Variants in CNTN4 observed in about 807,000 individuals in gnomAD.
CNTN4 encodes the protein contactin-4.
Under a neutral mutation model 122.5 loss-of-function variants are expected in CNTN4, and 77 were observed. The observed-to-expected ratio is 0.63, with a 90% CI of 0.52 to 0.76. CNTN4 has a LOEUF of 0.76. CNTN4 is among the 30% of genes least tolerant of loss of function. The pLI is 0.00. For synonymous variants in CNTN4, 512 were observed against 447.0 expected (o/e 1.15, Z -1.83); for missense variants, 1,256 against 1,259.1 (o/e 1.00, Z 0.04).
chr3:2,260,249 G>A lies in CNTN4; in HGVS notation c.-144-78929G>A, dbSNP rs545240758. 4.6e-5 allele frequency among the ~76,000 whole-genome samples: 7 copies of A among 152,110 alleles called. No individual in the cohort carries two copies. The East Asian group carries it at 1.4e-3, about 30-fold the overall frequency. ...AGGTGATTGTTTGTTGCAGGAGGGTGTCCTGCGCATTATAGGAAGTTCAGC... is the reference window on the plus strand; with the variant it reads ...AGGTGATTGTTTGTTGCAGGAGGGTATCCTGCGCATTATAGGAAGTTCAGC... On this transcript the variant is annotated intron_variant, in intron 2 of 24. Transcript: ENST00000418658.
At chr3:2,846,874 T>C (rs1231851528) in intron 7 of CNTN4, among the ~76,000 whole-genome samples, 2 of 152,116 alleles carry the variant, frequency 1.3e-5, no homozygotes, top group East Asian at 3.9e-4. Flanking sequence ...TGCATGCCTA[T>C]AATCCCAGCT....
intron 13 of CNTN4, among the ~76,000 whole-genome samples, chr3:2,984,276 A>G (rs553956794): frequency 6.6e-6 from 1 of 152,290 alleles, no homozygotes; most frequent in East Asian, 1.9e-4. Flanking sequence ...CTTTAAGTTA[A>G]CGAAATTTTC....
intron 3 of CNTN4, among the ~76,000 whole-genome samples, chr3:2,348,277 G>A (rs1199427996): frequency 6.6e-6 from 1 of 152,072 alleles, no homozygotes; most frequent in Non-Finnish European, 1.5e-5. Context: ...TTCTTATAGG[G>A]GTCATATTGA....
chr3:2,811,162 C>T (rs1292959877), intron 6 of CNTN4, among the ~76,000 whole-genome samples: 1 of 152,030 alleles, frequency 6.6e-6, no homozygotes, highest in Non-Finnish European at 1.5e-5. Flanking sequence ...GTAATCCCAG[C>T]ACTTTGGGAG....
At chr3:2,322,132 CTCTA>C (rs751139309) in intron 2 of CNTN4, among the ~76,000 whole-genome samples, 5 of 152,122 alleles carry the variant, frequency 3.3e-5, no homozygotes, top group African/African-American at 9.7e-5. Context: ...CATTAGATTA[CTCTA>C]TCTATTTTGT....
rs73806325 is a variant in CNTN4, at chr3:2,147,949, T to C, written c.-145+47310T>C. Among the ~76,000 whole-genome samples, 369 of 152,346 alleles carry C rather than the reference T, an allele frequency of 2.4e-3. 5 individuals carry two copies. Among genetic ancestry groups the C allele is most frequent in the African/African-American group, 8.4e-3 (348 of 41,576 alleles). On this transcript the variant is annotated intron_variant, in intron 2 of 24. Transcript: ENST00000418658. Reference sequence around the variant, plus strand: ...CACTCCTGTTTTCAAATTCCTTGTCTGTTTCATCGTGACTCTTCTAATTGA... The same window carrying C: ...CACTCCTGTTTTCAAATTCCTTGTCCGTTTCATCGTGACTCTTCTAATTGA...
chr3:2,448,982 A>G (rs764697187), intron 3 of CNTN4, among the ~76,000 whole-genome samples: 12 of 152,166 alleles, frequency 7.9e-5, no homozygotes, highest in Non-Finnish European at 1.6e-4. Flanking sequence ...AACCTAGCCC[A>G]TGTAACTTTT....
intron 4 of CNTN4, among the ~76,000 whole-genome samples, chr3:2,705,648 A>T (rs1402805470): frequency 2.2e-5 from 2 of 89,820 alleles, no homozygotes; most frequent in Non-Finnish European, 1.9e-5. Flanking sequence ...ATTATATATA[A>T]AAAGTATATT....
At chr3:2,619,893 G>T (rs2081927704) in intron 4 of CNTN4, among the ~76,000 whole-genome samples, 1 of 152,162 alleles carries the variant, frequency 6.6e-6, no homozygotes, top group South Asian at 2.1e-4. Flanking sequence ...CAGAGCTCAT[G>T]ACTTTAACCC....
chr3:2,250,727 A>G (rs894061295), intron 2 of CNTN4, among the ~76,000 whole-genome samples: 4 of 151,970 alleles, frequency 2.6e-5, no homozygotes, highest in African/African-American at 9.7e-5. Context: ...TGCATTATGC[A>G]TATTTAAAAC....
chr3:2,825,226 T>G (rs1364354920), intron 7 of CNTN4, among the ~76,000 whole-genome samples: 1 of 151,812 alleles, frequency 6.6e-6, no homozygotes, highest in Non-Finnish European at 1.5e-5. Flanking sequence ...AAATAATTTA[T>G]TTTATTTTAT....
chr3:2,426,299 GT>G (rs1195546847), intron 3 of CNTN4, among the ~76,000 whole-genome samples: 2 of 152,152 alleles, frequency 1.3e-5, no homozygotes, highest in East Asian at 3.8e-4. Flanking sequence ...TTTTGTTGAA[GT>G]CCTTTTCTGC....
chr3:3,051,091 G>GT (rs1196388322), intron 23 of CNTN4, among the ~76,000 whole-genome samples: 16 of 152,162 alleles, frequency 1.1e-4, no homozygotes, highest in Admixed American at 6.6e-4. Context: ...TATCATTAGT[G>GT]TTAGTGTATT....
At chr3:2,482,648 A>G (rs1237187660) in intron 3 of CNTN4, among the ~76,000 whole-genome samples, 1 of 152,162 alleles carries the variant, frequency 6.6e-6, no homozygotes, top group Non-Finnish European at 1.5e-5. Context: ...TATGCAGCTT[A>G]GGGACATGGT....
intron 4 of CNTN4, among the ~76,000 whole-genome samples, chr3:2,719,430 G>A (rs376994606): frequency 2.6e-5 from 4 of 152,206 alleles, no homozygotes; most frequent in African/African-American, 9.6e-5. Flanking sequence ...AAGTAGCTGG[G>A]ACTGCAGGAA....
chr3:2,617,207 C>G (rs2081789622), intron 4 of CNTN4, among the ~76,000 whole-genome samples: 1 of 152,022 alleles, frequency 6.6e-6, no homozygotes, highest in Non-Finnish European at 1.5e-5. Context: ...AATAGGCAAC[C>G]TACAGAACGG....
At chr3:2,926,134 C>T (rs2094471258) in intron 13 of CNTN4, among the ~76,000 whole-genome samples, 2 of 152,136 alleles carry the variant, frequency 1.3e-5, no homozygotes. Context: ...GTAAATAAGC[C>T]CATGTCTTAT....
At chr3:2,775,341 T>C (rs1559489570) in intron 6 of CNTN4, among the ~76,000 whole-genome samples, 1 of 152,226 alleles carries the variant, frequency 6.6e-6, no homozygotes, top group Non-Finnish European at 1.5e-5. Context: ...AACTCCTCTG[T>C]ACATAGAGTT....
At chr3:2,488,106 G>T (rs1401888468) in intron 3 of CNTN4, among the ~76,000 whole-genome samples, 2 of 152,058 alleles carry the variant, frequency 1.3e-5, no homozygotes, top group African/African-American at 4.8e-5. Context: ...ACTTCCTTGG[G>T]CATTAGCCAG....
Sources: allele counts gnomAD v4.1 joint callset (sites outside exome capture counted in the v4.1 genomes callset), GRCh38; gene constraint gnomAD v4.1.1; transcripts MANE v1.5; gene names NCBI Gene and HGNC (gene_info 2026-07-23, HGNC 2026-07-21).